Variants in PHLPP2 observed in about 807,000 individuals in gnomAD.
PHLPP2 encodes the protein PH domain and leucine rich repeat protein phosphatase 2.
Under a neutral mutation model 124.9 loss-of-function variants are expected in PHLPP2, and 66 were observed. That is an observed-to-expected ratio of 0.53 (90% CI 0.43 to 0.65). The LOEUF is 0.65. PHLPP2 is among the 30% of genes least tolerant of loss of function. PHLPP2 has a pLI of 0.00. For synonymous variants in PHLPP2, 681 were observed against 624.7 expected (o/e 1.09, Z -1.34); for missense variants, 1,685 against 1,600.4 (o/e 1.05, Z -0.90).
chr16:71,668,851 T>C (rs939739594), intron 11 of PHLPP2, among the ~76,000 whole-genome samples: 1 of 152,222 alleles, frequency 6.6e-6, no homozygotes, highest in Admixed American at 6.5e-5. Flanking sequence ...TGCTCTAAGC[T>C]TTACATTCCT....
intron 3 of PHLPP2, among the ~76,000 whole-genome samples, chr16:71,700,794 G>T (rs1322566820): frequency 6.6e-6 from 1 of 151,986 alleles, no homozygotes; most frequent in Non-Finnish European, 1.5e-5. Flanking sequence ...CAAAGTGCTG[G>T]GATTACAGGC....
At chr16:71,715,775 C>T (rs946142463) in intron 1 of PHLPP2, among the ~76,000 whole-genome samples, 7 of 147,724 alleles carry the variant, frequency 4.7e-5, no homozygotes, top group South Asian at 2.1e-4. Context: ...GTCAAGAATT[C>T]GAGACCAGCT....
At chr16:71,654,318 C>T (rs1337806079) in intron 17 of PHLPP2, among the ~76,000 whole-genome samples, 1 of 151,956 alleles carries the variant, frequency 6.6e-6, no homozygotes, top group East Asian at 1.9e-4. Context: ...TATCGGTCCA[C>T]CTGACATGCA....
chr16:71,675,275 T>C (rs1567618161), intron 9 of PHLPP2, among the ~76,000 whole-genome samples: 1 of 152,228 alleles, frequency 6.6e-6, no homozygotes, highest in Non-Finnish European at 1.5e-5. Flanking sequence ...TAAAATGTTA[T>C]TATTTACATT....
chr16:71,709,445 A>T (rs2045309347), intron 2 of PHLPP2, among the ~76,000 whole-genome samples: 1 of 152,140 alleles, frequency 6.6e-6, no homozygotes, highest in Non-Finnish European at 1.5e-5. Flanking sequence ...AAAAATAAAA[A>T]TTAAAAAAAA....
intron 3 of PHLPP2, among the ~76,000 whole-genome samples, chr16:71,699,812 C>T (rs1597012169): frequency 6.6e-6 from 1 of 152,316 alleles, no homozygotes; most frequent in South Asian, 2.1e-4. Flanking sequence ...CACAGACACC[C>T]CCACCTGGAC....
Position 71,664,921 on chromosome 16 carries a change from G to T in PHLPP2, c.1785-822C>A, listed in dbSNP as rs548317778. On this transcript the variant is annotated intron_variant, in intron 12 of 18. Coordinates refer to ENST00000568954, the MANE Select transcript of PHLPP2 (RefSeq NM_015020.3). ...ATCCTTAACCAATTACTTCCTTAGGGTACATTCCTAAAAACAGAATTTGTG... is the reference window on the plus strand; with the variant it reads ...ATCCTTAACCAATTACTTCCTTAGGTTACATTCCTAAAAACAGAATTTGTG... 5.9e-5 allele frequency among the ~76,000 whole-genome samples: 9 copies of T among 152,208 alleles called. No individual in the cohort carries two copies. The East Asian group carries it at 1.7e-3, about 29-fold the overall frequency.
At chr16:71,707,346 G>A (rs762556330) in intron 2 of PHLPP2, among the ~76,000 whole-genome samples, 7 of 152,178 alleles carry the variant, frequency 4.6e-5, no homozygotes, top group Admixed American at 2.0e-4. Flanking sequence ...CTAATCCTTA[G>A]CATTTCCTGA....
chr16:71,664,191 G>T (rs1596993257), intron 12 of PHLPP2, 92 bp from the exon 13 acceptor site: 1 of 838,158 alleles, frequency 1.2e-6, no homozygotes. Context: ...ATGGAATGCT[G>T]CCATTCTAAG....
At chr16:71,718,399 G>C (rs2145388486) in intron 1 of PHLPP2, among the ~76,000 whole-genome samples, 1 of 152,120 alleles carries the variant, frequency 6.6e-6, no homozygotes, top group South Asian at 2.1e-4. Context: ...CCAACATAGT[G>C]AAACCCCGTC....
intron 4 of PHLPP2, among the ~76,000 whole-genome samples, chr16:71,690,104 G>C (rs955845007): frequency 2.0e-5 from 3 of 152,154 alleles, no homozygotes; most frequent in Non-Finnish European, 4.4e-5. Context: ...GGAAGAAATG[G>C]CATGGCTCCC....
chr16:71,649,864 C>T lies in PHLPP2; in HGVS notation c.2998G>A (p.Val1000Ile). The T allele has an allele frequency of 6.2e-7, 1 of 1,614,240 alleles. No individual in the cohort carries two copies. The highest frequency in any genetic ancestry group is 8.5e-7 in the Non-Finnish European group (1 of 1,180,030). The change falls in exon 19 of 19, where the codon GTA becomes ATA. Residue 1000 changes from valine (V) to isoleucine (I), a missense_variant. By Grantham distance (29) the Val-to-Ile change is conservative. Coordinates refer to ENST00000568954, the MANE Select transcript of PHLPP2 (RefSeq NM_015020.3). The part of the protein sequence containing the change: ...HLSYTEAVNA[V>I]RHVQDPLAAA... ...GCTAATGGGTCTTGTACGTGACGTACAGCATTGACAGCTTCTGTGTAGGAC... is the reference window on the plus strand; with the variant it reads ...GCTAATGGGTCTTGTACGTGACGTATAGCATTGACAGCTTCTGTGTAGGAC...
In PHLPP2 at chr16:71,663,957, G is replaced by C; in HGVS notation, c.1927C>G (p.His643Asp). The change falls in exon 13 of 19, where the codon CAC becomes GAC. Residue 643 changes from histidine to aspartate, a missense_variant. His to Asp is a moderately conservative substitution (Grantham distance 81). Coordinates refer to ENST00000568954, the MANE Select transcript of PHLPP2 (RefSeq NM_015020.3). Reference protein sequence around the residue: ...TDQCIPVLVGHLHLRILHLAN... With the variant: ...TDQCIPVLVGDLHLRILHLAN... ...AGGTGCAAGATTCGCAGGTGCAGGT[G>C]CCCTACCAGGACAGGTATGCACTGA... is the stretch of plus-strand genomic sequence containing the variant. The C allele has an allele frequency of 6.2e-7, 1 of 1,614,034 alleles. No individual in the cohort carries two copies. The highest frequency in any genetic ancestry group is 8.5e-7 in the Non-Finnish European group (1 of 1,179,890).
chr16:71,656,641 T>A lies in PHLPP2; in HGVS notation c.2320A>T (p.Thr774Ser). 6.2e-7 allele frequency: 1 copy of A among 1,613,664 alleles called. No homozygotes were observed. Among genetic ancestry groups the A allele is most frequent in the Non-Finnish European group, 8.5e-7 (1 of 1,179,640 alleles). ...TLKIDQKPLPTTDSTVTSTFW... is the reference protein window; with the variant it reads ...TLKIDQKPLPSTDSTVTSTFW... ...GTTGACGTAACTGTAGAATCTGTGG[T>A]TGGCAAAGGTTTCTGATCAATTTTC... Residue 774 changes from threonine to serine, a missense_variant, in exon 16 of 19, where the codon ACC becomes TCC. Coordinates refer to ENST00000568954, the MANE Select transcript of PHLPP2 (RefSeq NM_015020.3).
Position 71,647,869 on chromosome 16 carries a change from A to G in PHLPP2, c.*1021T>C, listed in dbSNP as rs905621717. 10 of 152,440 alleles carry G rather than the reference A, an allele frequency of 6.6e-5. No homozygotes were observed. Among genetic ancestry groups the G allele is most frequent in the African/African-American group, 2.4e-4 (10 of 41,396 alleles). 9.4% of individuals were successfully genotyped at this position (152,440 alleles called of 1,614,324 possible). A position where few individuals can be genotyped will look rare whatever the true frequency, so the allele number is the denominator to read the frequency against. On this transcript the variant is annotated 3_prime_UTR_variant, in exon 19 of 19. Transcript: ENST00000568954. Reference sequence around the variant, plus strand: ...AGTCTGACATCCAAAAGTTAAATCAACTTCACAGGGCCCTTCCTATACCCT... The same window carrying G: ...AGTCTGACATCCAAAAGTTAAATCAGCTTCACAGGGCCCTTCCTATACCCT...
chr16:71,684,548 G>A lies in PHLPP2; in HGVS notation c.663C>T (p.Ala221=), dbSNP rs776113174. 2 of 1,613,756 alleles carry A rather than the reference G, an allele frequency of 1.2e-6. No homozygotes were observed. Among genetic ancestry groups the A allele is most frequent in the Admixed American group, 1.7e-5 (1 of 59,990 alleles). Residue 221 remains alanine, a synonymous_variant, in exon 5 of 19, where the codon GCC becomes GCT. Transcript: ENST00000568954. ...AGCTGACATGATAGGTCTGAGCTTG[G>A]GCTCCTGCTGAGCTGAAAGCAAGGG... ...QYSLAFSSAG[A]QAQTYHVSFE...
rs541822676 is a variant in PHLPP2, at chr16:71,665,761, G to A, written c.1784+1417C>T. Among the ~76,000 whole-genome samples the A allele has an allele frequency of 4.6e-5, 7 of 152,226 alleles. No individual in the cohort carries two copies. In the East Asian group the frequency reaches 1.3e-3, roughly 29 times the overall value. ...CTAATTTCATTCAGACTACCATAAG[G>A]ACCAAATGCAGCGTTATGCATTGCT... On this transcript the variant is annotated intron_variant, in intron 12 of 18. Transcript: ENST00000568954.
In PHLPP2 at chr16:71,679,595, C is replaced by T. The variant is rs572536049; in HGVS notation, c.891-60G>A. ...CAATACATCTATTACTGTATCTTTA[C>T]AAGGGACATCAACGGCCTTTGATAT... On this transcript the variant is annotated intron_variant, in intron 6 of 18. Coordinates refer to ENST00000568954, the MANE Select transcript of PHLPP2 (RefSeq NM_015020.3). 1.2e-4 allele frequency: 161 copies of T among 1,393,630 alleles called. 1 individual carries two copies. The South Asian group carries it at 1.2e-3, about 11-fold the overall frequency. 86.3% of individuals were successfully genotyped at this position (1,393,630 alleles called of 1,614,324 possible).
In PHLPP2 at chr16:71,702,355, GC is replaced by G. The variant is rs2045240242; in HGVS notation, c.418+242del. Reference sequence around the variant, plus strand: ...GATTCTGGCAAAGGTATAAAATAATGCTAGTAAGTTAGCAAAATACAAGTGC... The same window carrying G: ...GATTCTGGCAAAGGTATAAAATAATGTAGTAAGTTAGCAAAATACAAGTGC... On this transcript the variant is annotated intron_variant, in intron 3 of 18. Coordinates refer to ENST00000568954, the MANE Select transcript of PHLPP2 (RefSeq NM_015020.3). Among the ~76,000 whole-genome samples, 2 of 152,122 alleles carry G rather than the reference GC, an allele frequency of 1.3e-5. 1 individual carries two copies. The highest frequency in any genetic ancestry group is 4.1e-4 in the South Asian group (2 of 4,826).
Sources: allele counts gnomAD v4.1 joint callset (sites outside exome capture counted in the v4.1 genomes callset), GRCh38; gene constraint gnomAD v4.1.1; transcripts MANE v1.5; gene names NCBI Gene and HGNC (gene_info 2026-07-23, HGNC 2026-07-21).